Variants in NYAP2 observed in about 807,000 individuals in gnomAD.
NYAP2 encodes the protein neuronal tyrosine-phosphorylated phosphoinositide-3-kinase adapter 2.
Under a neutral mutation model 50.4 loss-of-function variants are expected in NYAP2, and 23 were observed. The observed-to-expected ratio is 0.46, with a 90% CI of 0.33 to 0.65. NYAP2 has a LOEUF of 0.65. NYAP2 is among the 30% of genes least tolerant of loss of function. The pLI is 0.02. For synonymous variants in NYAP2, 394 were observed against 365.2 expected (o/e 1.08, Z -0.90); for missense variants, 885 against 861.0 (o/e 1.03, Z -0.35).
At chr2:225,510,061 C>A (rs1198420832) in intron 3 of NYAP2, among the ~76,000 whole-genome samples, 1 of 152,060 alleles carries the variant, frequency 6.6e-6, no homozygotes, top group East Asian at 1.9e-4. Context: ...TCCTTCTCTG[C>A]CAGGAGAAAA....
At chr2:225,472,254 A>G (rs531437133) in intron 3 of NYAP2, among the ~76,000 whole-genome samples, 1 of 152,338 alleles carries the variant, frequency 6.6e-6, no homozygotes, top group East Asian at 1.9e-4. Context: ...TCATTTGTTC[A>G]GGCTCTCATT....
chr2:225,648,554 T>C (rs1036811039), intron 6 of NYAP2, among the ~76,000 whole-genome samples: 1 of 151,796 alleles, frequency 6.6e-6, no homozygotes, highest in Non-Finnish European at 1.5e-5. Context: ...ATAAGAGCCA[T>C]TGCAAGGGGG....
At chr2:225,503,673 G>T (rs978251241) in intron 3 of NYAP2, among the ~76,000 whole-genome samples, 26 of 152,160 alleles carry the variant, frequency 1.7e-4, no homozygotes, top group African/African-American at 6.3e-4. Flanking sequence ...CAAACTCTTG[G>T]CAATAGCACT....
intron 3 of NYAP2, among the ~76,000 whole-genome samples, chr2:225,466,327 C>T (rs181014316): frequency 6.6e-5 from 10 of 152,058 alleles, no homozygotes; most frequent in African/African-American, 2.4e-4. Context: ...GTCATGAGTG[C>T]CTATTATATT....
chr2:225,696,722 T>C, the NYAP2 span, among the ~76,000 whole-genome samples: 4 of 151,958 alleles, frequency 2.6e-5, no homozygotes, highest in African/African-American at 9.7e-5. Flanking sequence ...TGTGTATACA[T>C]ACATTGAGAG....
downstream of NYAP2, among the ~76,000 whole-genome samples, chr2:225,658,033 T>G (rs536873844): frequency 6.6e-6 from 1 of 152,190 alleles, no homozygotes; most frequent in South Asian, 2.1e-4. Context: ...AGACCTGAAC[T>G]GAGAACATGT....
At chr2:225,450,600 A>C (rs1689634232) in intron 3 of NYAP2, among the ~76,000 whole-genome samples, 2 of 152,212 alleles carry the variant, frequency 1.3e-5, no homozygotes, top group Non-Finnish European at 2.9e-5. Flanking sequence ...CTTAAAAATT[A>C]TGTGCCTCAG....
the NYAP2 span, among the ~76,000 whole-genome samples, chr2:225,667,593 G>GCTGT: frequency 2.0e-5 from 3 of 152,226 alleles, no homozygotes; most frequent in Admixed American, 2.0e-4. Context: ...TTGCTAAGGA[G>GCTGT]CTGTCTCCTT....
chr2:225,530,322 G>T (rs1007727488), intron 4 of NYAP2, among the ~76,000 whole-genome samples: 1 of 152,056 alleles, frequency 6.6e-6, no homozygotes, highest in Non-Finnish European at 1.5e-5. Context: ...CTACTGAAAG[G>T]CCTCCTGCAC....
intron 5 of NYAP2, among the ~76,000 whole-genome samples, chr2:225,609,952 T>C (rs966961830): frequency 1.2e-4 from 18 of 152,160 alleles, no homozygotes; most frequent in African/African-American, 2.9e-4. Context: ...GCTTTATTGT[T>C]CACCAAGCAG....
intron 3 of NYAP2, among the ~76,000 whole-genome samples, chr2:225,440,574 A>G (rs1689453387): frequency 6.6e-6 from 1 of 152,174 alleles, no homozygotes; most frequent in African/African-American, 2.4e-5. Flanking sequence ...TGGGTTAGAG[A>G]GGGCAGAGTA....
intron 5 of NYAP2, among the ~76,000 whole-genome samples, chr2:225,590,864 G>A (rs565082278): frequency 1.3e-5 from 2 of 152,212 alleles, no homozygotes; most frequent in Non-Finnish European, 2.9e-5. Flanking sequence ...CATGGTGGGC[G>A]ATCTGTGAAT....
chr2:225,484,376 A>T (rs1690255243), intron 3 of NYAP2, among the ~76,000 whole-genome samples: 1 of 152,232 alleles, frequency 6.6e-6, no homozygotes. Context: ...CTGCAGCTTC[A>T]GGCTAGTTGC....
the NYAP2 span, among the ~76,000 whole-genome samples, chr2:225,682,710 G>C: frequency 1.3e-5 from 2 of 152,258 alleles, no homozygotes; most frequent in African/African-American, 4.8e-5. Flanking sequence ...AAAGTAGCAG[G>C]CATGCTTCAT....
chr2:225,627,993 C>G (rs1399294463), intron 6 of NYAP2, among the ~76,000 whole-genome samples: 1 of 152,106 alleles, frequency 6.6e-6, no homozygotes, highest in Admixed American at 6.5e-5. Flanking sequence ...ATGAATTTAG[C>G]TTGTGGTCTC....
the NYAP2 span, among the ~76,000 whole-genome samples, chr2:225,663,241 C>T: frequency 2.0e-5 from 3 of 151,690 alleles, no homozygotes; most frequent in Admixed American, 6.6e-5. Context: ...AAACAAGTCT[C>T]GCAAGATGAC....
chr2:225,492,547 T>C (rs1316510786), intron 3 of NYAP2, among the ~76,000 whole-genome samples: 1 of 152,252 alleles, frequency 6.6e-6, no homozygotes, highest in Admixed American at 6.5e-5. Flanking sequence ...ATAATGTTTA[T>C]GTTACTCTGT....
intron 5 of NYAP2, among the ~76,000 whole-genome samples, chr2:225,619,299 T>A (rs144841398): frequency 3.9e-5 from 6 of 152,218 alleles, no homozygotes; most frequent in South Asian, 2.1e-4. Flanking sequence ...AGACCATGAC[T>A]TTTTAGCTAG....
the NYAP2 span, among the ~76,000 whole-genome samples, chr2:225,694,306 T>C: frequency 1.3e-5 from 2 of 151,882 alleles, no homozygotes; most frequent in Non-Finnish European, 1.5e-5. Context: ...CACATCTTTT[T>C]TTTTTCTTTT....
Sources: allele counts gnomAD v4.1 joint callset (sites outside exome capture counted in the v4.1 genomes callset), GRCh38; gene constraint gnomAD v4.1.1; transcripts MANE v1.5; gene names NCBI Gene and HGNC (gene_info 2026-07-23, HGNC 2026-07-21).